The following KIAA1549L variants were observed in gnomAD, a reference collection of about 807,000 sequenced individuals.
KIAA1549L encodes the protein UPF0606 protein KIAA1549L.
Under a neutral mutation model 160.7 loss-of-function variants are expected in KIAA1549L, and 88 were observed. The ratio of observed to expected loss-of-function variants is 0.55; its 90% confidence interval spans 0.46 to 0.65. The LOEUF (loss-of-function observed/expected upper bound fraction) is 0.65, where lower values mean the gene tolerates loss of function less well. Among genes scored for constraint, KIAA1549L ranks in the 30% least tolerant of loss-of-function variants. The probability of loss-of-function intolerance (pLI) is 0.00; values close to 1 mark genes in which losing one functional copy is unlikely to be tolerated. For missense variants in KIAA1549L, 2,258 were observed against 2,437.5 expected (o/e 0.93, Z 1.55); for synonymous variants, 950 against 976.7 (o/e 0.97, Z 0.51).
chr11:33,522,914 T>A (rs941111937), intron 1 of KIAA1549L, among the ~76,000 whole-genome samples: 3 of 141,906 alleles, frequency 2.1e-5, no homozygotes, highest in South Asian at 2.3e-4. Flanking sequence ...AAAAAAAAAA[T>A]ATGGTCTTTA....
At position 33,671,618 on chromosome 11, in the gene KIAA1549L, C is replaced by T. The variant is rs865879144; in HGVS notation, c.*3464C>T. On this transcript the variant is annotated 3_prime_UTR_variant, in exon 21 of 21. Coordinates refer to ENST00000658780, the MANE Select transcript of KIAA1549L (RefSeq NM_012194.3). ...CACACACACACACACACACACACACCCTACTTCGGAGAGAGAATGTAGAAT... is the reference window on the plus strand; with the variant it reads ...CACACACACACACACACACACACACTCTACTTCGGAGAGAGAATGTAGAAT... The T allele has an allele frequency of 1.1e-5, 1 of 92,508 alleles. No individual in the cohort carries two copies. The highest frequency in any genetic ancestry group is 3.8e-5 in the African/African-American group (1 of 26,540). The allele number at this position is 92,508 out of a possible 1,614,324, so 5.7% of individuals were successfully genotyped here.
intron 1 of KIAA1549L, among the ~76,000 whole-genome samples, chr11:33,513,393 G>C (rs754722631): frequency 6.6e-5 from 10 of 152,094 alleles, no homozygotes; most frequent in Non-Finnish European, 1.5e-4. Context: ...ACTCATATTA[G>C]CTGAATCAGA....
rs988596764 is a variant in KIAA1549L at position 33,541,935 on chromosome 11, G to A, written c.372G>A (p.Val124=). The A allele has an allele frequency of 1.1e-5, 4 of 366,650 alleles. No individual in the cohort carries two copies. The highest frequency in any genetic ancestry group is 1.7e-5 in the Non-Finnish European group (3 of 176,416). The allele number at this position is 366,650 out of a possible 1,614,324, so 22.7% of individuals were successfully genotyped here. ...CAGCAGCAGACAGAATCAAGACCGTGCTGGGACAGTCCTCTGACAACACAA... is the reference window on the plus strand; with the variant it reads ...CAGCAGCAGACAGAATCAAGACCGTACTGGGACAGTCCTCTGACAACACAA... The part of the protein sequence containing the change: ...SSSAADRIKT[V]LGQSSDNTSL... Residue 124 remains valine, a synonymous_variant, in exon 2 of 21, where the codon GTG becomes GTA. Transcript: ENST00000658780.
At chr11:33,470,522 T>G (rs1233174199) in intron 1 of KIAA1549L, among the ~76,000 whole-genome samples, 1 of 152,148 alleles carries the variant, frequency 6.6e-6, no homozygotes. Context: ...CATGGCTTAC[T>G]GCAGCCTTCA....
chr11:33,618,582 C>T lies in KIAA1549L; in HGVS notation c.5329C>T (p.Pro1777Ser). 6.2e-7 allele frequency: 1 copy of T among 1,611,624 alleles called. No individual in the cohort carries two copies. The highest frequency in any genetic ancestry group is 8.5e-7 in the Non-Finnish European group (1 of 1,178,542). ...CAGAAGCCGGCAGTCTCTGAACAGC[C>T]CGAGTCCAGGGGAAACCGAGATGGA... Reference protein sequence around the residue: ...VYRSRQSLNSPSPGETEMDLL... With the variant: ...VYRSRQSLNSSSPGETEMDLL... The change falls in exon 16 of 21, where the codon CCG becomes TCG. Residue 1777 changes from proline to serine, a missense_variant. This residue lies in a region of KIAA1549L where 1,359 missense variants were observed against 1,546.6 expected (regional missense o/e 0.88). Transcript: ENST00000658780.
At chr11:33,427,793 C>T (rs1851149703) in intron 1 of KIAA1549L, among the ~76,000 whole-genome samples, 1 of 152,128 alleles carries the variant, frequency 6.6e-6, no homozygotes, top group South Asian at 2.1e-4. Context: ...CTCTTCTCTC[C>T]CCTGCAGTGT....
chr11:33,480,009 A>G (rs1157407028), intron 1 of KIAA1549L, among the ~76,000 whole-genome samples: 1 of 152,120 alleles, frequency 6.6e-6, no homozygotes, highest in East Asian at 1.9e-4. Context: ...TCAAGCCTCC[A>G]TGTATCAGAG....
At chr11:33,474,404 G>A (rs372990776) in intron 1 of KIAA1549L, among the ~76,000 whole-genome samples, 1 of 152,122 alleles carries the variant, frequency 6.6e-6, no homozygotes, top group Non-Finnish European at 1.5e-5. Flanking sequence ...TCCCTTGCTC[G>A]TTGCTCTTCT....
chr11:33,654,646 C>G (rs907588076), intron 17 of KIAA1549L, among the ~76,000 whole-genome samples: 1 of 152,218 alleles, frequency 6.6e-6, no homozygotes, highest in Admixed American at 6.5e-5. Context: ...TTGATCTCTT[C>G]ATCAACTGTC....
At chr11:33,512,223 A>G (rs560605891) in intron 1 of KIAA1549L, among the ~76,000 whole-genome samples, 8 of 152,364 alleles carry the variant, frequency 5.3e-5, no homozygotes, top group Middle Eastern at 6.8e-3. Context: ...GGTACAAAAC[A>G]TGGACATCCT....
At chr11:33,533,282 AG>A (rs1260470613) in intron 1 of KIAA1549L, among the ~76,000 whole-genome samples, 1 of 152,236 alleles carries the variant, frequency 6.6e-6, no homozygotes, top group Non-Finnish European at 1.5e-5. Context: ...GAAGAGCCTC[AG>A]GAAGACAGAG....
intron 1 of KIAA1549L, among the ~76,000 whole-genome samples, chr11:33,435,974 A>AG (rs1180583438): frequency 1.4e-5 from 2 of 147,746 alleles, no homozygotes; most frequent in Admixed American, 1.4e-4. Context: ...AAAAAAAAAA[A>AG]AAGTACAACA....
intron 1 of KIAA1549L, among the ~76,000 whole-genome samples, chr11:33,530,366 C>T (rs554394699): frequency 2.1e-5 from 3 of 144,584 alleles, no homozygotes; most frequent in African/African-American, 7.7e-5. Flanking sequence ...TGCGCCACTG[C>T]ACTCCAGCCT....
intron 19 of KIAA1549L, 113 bp downstream of exon 19, chr11:33,659,011 C>CACTG (rs1249002694): frequency 7.3e-6 from 8 of 1,103,392 alleles, no homozygotes; most frequent in Non-Finnish European, 1.0e-5. Flanking sequence ...GAATCACAGC[C>CACTG]ACTGCATTTC....
At position 33,543,519 on chromosome 11, in the gene KIAA1549L, T is replaced by C. The variant is rs763775986; in HGVS notation, c.1956T>C (p.Tyr652=). 1 of 1,614,074 alleles carries C rather than the reference T, an allele frequency of 6.2e-7. No homozygotes were observed. The highest frequency in any genetic ancestry group is 1.1e-5 in the South Asian group (1 of 91,088). ...TTTCCAGCACCAAGCCAGAGGCTTA[T>C]GCAGCTGCTGTGGACCATTCTGGGT... The part of the protein sequence containing the change: ...LGFSSTKPEA[Y]AAAVDHSGLP... Residue 652 remains tyrosine, a synonymous_variant, in exon 2 of 21, where the codon TAT becomes TAC. Transcript: ENST00000658780.
Position 33,645,875 on chromosome 11 carries a change from G to T in KIAA1549L, c.5599G>T (p.Ala1867Ser). Residue 1867 changes from alanine (A) to serine (S), a missense_variant, in exon 17 of 21, where the codon GCA becomes TCA. By Grantham distance (99) the Ala-to-Ser change is moderately conservative. Coordinates refer to ENST00000658780, the MANE Select transcript of KIAA1549L (RefSeq NM_012194.3). ...CTTCAGCCTGGCATCCGCGGGCCAC[G>T]CAGGCCAGAGCCGGCACCAAGAGGC... The part of the protein sequence containing the change: ...EAFSLASAGH[A>S]GQSRHQEAYG... The T allele has an allele frequency of 6.2e-7, 1 of 1,613,792 alleles. No individual in the cohort carries two copies. The highest frequency in any genetic ancestry group is 8.5e-7 in the Non-Finnish European group (1 of 1,179,834).
At chr11:33,602,746 GA>G (rs1850397662) in intron 13 of KIAA1549L, among the ~76,000 whole-genome samples, 3 of 152,178 alleles carry the variant, frequency 2.0e-5, no homozygotes, top group Non-Finnish European at 4.4e-5. Flanking sequence ...AAATCCCCAT[GA>G]ACCTGCTGTG....
chr11:33,642,110 A>G (rs746759001), intron 16 of KIAA1549L, among the ~76,000 whole-genome samples: 9 of 152,156 alleles, frequency 5.9e-5, no homozygotes, highest in Non-Finnish European at 1.0e-4. Flanking sequence ...AGATGATGAT[A>G]ATAGGAGGAG....
intron 6 of KIAA1549L, among the ~76,000 whole-genome samples, chr11:33,558,596 A>G (rs530166995): frequency 4.6e-5 from 7 of 152,290 alleles, no homozygotes; most frequent in Non-Finnish European, 1.0e-4. Flanking sequence ...GGCCTCACCA[A>G]GTTGAATGAC....
Sources: gnomAD v4.1 joint callset for allele counts (sites outside exome capture counted in the v4.1 genomes callset) on GRCh38, gnomAD v4.1.1 for gene constraint, gnomAD v4.1.1 regional missense constraint, MANE v1.5 for transcripts, NCBI Gene and HGNC (gene_info 2026-07-23, HGNC 2026-07-21) for gene names.